The following VAMP1 variants were observed in gnomAD, a reference collection of about 807,000 sequenced individuals.
The protein encoded by VAMP1 is vesicle-associated membrane protein 1.
VAMP1 carries 16 observed loss-of-function variants against 19.1 expected under a neutral mutation model. The ratio of observed to expected loss-of-function variants is 0.84; its 90% confidence interval spans 0.57 to 1.27. VAMP1 has a LOEUF of 1.27. Ranked by LOEUF, VAMP1 falls within the 50% of genes most tolerant of loss-of-function variation. VAMP1 has a pLI of 0.00. For synonymous variants in VAMP1, 37 were observed against 50.2 expected, an observed-to-expected ratio of 0.74 and a Z score of 1.11; for missense variants, 109 against 145.4, an observed-to-expected ratio of 0.75 and a Z score of 1.29.
Position 6,463,291 on chromosome 12 carries a change from C to A in VAMP1, c.*1179G>T. On this transcript the variant is annotated 3_prime_UTR_variant, in exon 5 of 5. Transcript: ENST00000396308. The surrounding 1 kb of genome is among the most constrained non-coding windows in gnomAD (Gnocchi z 4.0). ...GGCCCCATGACAGCACAGCAATACA[C>A]AAGCACACCTGACACAGGCTGGCAC... The A allele has an allele frequency of 7.8e-7, 1 of 1,277,894 alleles. No homozygotes were observed. The highest frequency in any genetic ancestry group is 9.9e-7 in the Non-Finnish European group (1 of 1,006,562). 79.2% of individuals were successfully genotyped at this position (1,277,894 alleles called of 1,614,324 possible).
intron 1 of VAMP1, among the ~76,000 whole-genome samples, chr12:6,467,940 G>C (rs964858577): frequency 7.0e-6 from 1 of 143,430 alleles, no homozygotes; most frequent in Non-Finnish European, 1.6e-5. Context: ...ACTGAGGTTC[G>C]GGAACCTCCG....
chr12:6,465,842 C>T lies in VAMP1; in HGVS notation c.288G>A (p.Lys96=). 2 of 1,613,958 alleles carry T rather than the reference C, an allele frequency of 1.2e-6. No individual in the cohort carries two copies. Among genetic ancestry groups the T allele is most frequent in the Non-Finnish European group, 1.7e-6 (2 of 1,179,944 alleles). The part of the protein sequence containing the change: ...LKRKYWWKNC[K]MMIMLGAICA... ...TGGAGGAGGGGACAAGAAAATTCACCTTGCAGTTTTTCCACCAATACTTCC... is the reference window on the plus strand; with the variant it reads ...TGGAGGAGGGGACAAGAAAATTCACTTTGCAGTTTTTCCACCAATACTTCC... Residue 96 remains lysine, a splice_region_variant and synonymous_variant, in exon 3 of 5, where the codon AAG becomes AAA. Coordinates refer to ENST00000396308, the MANE Select transcript of VAMP1 (RefSeq NM_014231.5).
At position 6,464,091 on chromosome 12, in the gene VAMP1, C is replaced by T; in HGVS notation, c.*379G>A. 7.6e-7 allele frequency: 1 copy of T among 1,309,498 alleles called. No homozygotes were observed. Among genetic ancestry groups the T allele is most frequent in the Non-Finnish European group, 1.0e-6 (1 of 1,002,072 alleles). The allele number at this position is 1,309,498 out of a possible 1,614,324, so 81.1% of individuals were successfully genotyped here. A position where few individuals can be genotyped will look rare whatever the true frequency, so the allele number is the denominator to read the frequency against. ...CAGTGGCCAGGTTTTCTAGAAGTCA[C>T]CATGGGCACCGATACTCTTCTCCTC... On this transcript the variant is annotated 3_prime_UTR_variant, in exon 5 of 5. Coordinates refer to ENST00000396308, the MANE Select transcript of VAMP1 (RefSeq NM_014231.5).
At position 6,466,360 on chromosome 12, in the gene VAMP1, A is replaced by G. The variant is rs774555778; in HGVS notation, c.3-9T>C. On this transcript the variant is annotated splice_polypyrimidine_tract_variant and intron_variant, in intron 1 of 4. Coordinates refer to ENST00000396308, the MANE Select transcript of VAMP1 (RefSeq NM_014231.5). The stretch of plus-strand genomic sequence containing the variant: ...GCTGAGCTGGAGCAGACCTGTGGAA[A>G]GACATGTGCAGAGTACACAAAGTGA... 24 of 1,611,288 alleles carry G rather than the reference A, an allele frequency of 1.5e-5. No individual in the cohort carries two copies. Among genetic ancestry groups the G allele is most frequent in the Non-Finnish European group, 1.8e-5 (21 of 1,178,952 alleles).
chr12:6,465,453 T>TATAA (rs1488840906), intron 3 of VAMP1: 16 of 131,548 alleles, frequency 1.2e-4, no homozygotes, highest in East Asian at 5.9e-4. Flanking sequence ...TATATATACA[T>TATAA]ATGTGTATAT....
At chr12:6,464,784 T>C (rs1192841007) in intron 4 of VAMP1, 106 bp downstream of exon 4, 1 of 1,582,312 alleles carries the variant, frequency 6.3e-7, no homozygotes, top group Non-Finnish European at 8.6e-7. Context: ...GCGGTCTCCA[T>C]ACCTCAGTCA....
chr12:6,464,240 A>C lies in VAMP1; in HGVS notation c.*230T>G. On this transcript the variant is annotated 3_prime_UTR_variant, in exon 5 of 5. Coordinates refer to ENST00000396308, the MANE Select transcript of VAMP1 (RefSeq NM_014231.5). ...AGTACAGAAAAAGCAGGCAGGGAGG[A>C]GGCGCCAGCTGTTGCTCTTCGGGTA... is the stretch of plus-strand genomic sequence containing the variant. 6.6e-7 allele frequency: 1 copy of C among 1,517,856 alleles called. No individual in the cohort carries two copies. The highest frequency in any genetic ancestry group is 8.8e-7 in the Non-Finnish European group (1 of 1,132,772). 94.0% of individuals were successfully genotyped at this position (1,517,856 alleles called of 1,614,324 possible). A position where few individuals can be genotyped will look rare whatever the true frequency, so the allele number is the denominator to read the frequency against.
At position 6,463,827 on chromosome 12, in the gene VAMP1, C is replaced by G; in HGVS notation, c.*643G>C. 1 of 1,224,900 alleles carries G rather than the reference C, an allele frequency of 8.2e-7. No homozygotes were observed. Among genetic ancestry groups the G allele is most frequent in the Non-Finnish European group, 1.0e-6 (1 of 959,226 alleles). 75.9% of individuals were successfully genotyped at this position (1,224,900 alleles called of 1,614,324 possible). On this transcript the variant is annotated 3_prime_UTR_variant, in exon 5 of 5. Transcript: ENST00000396308. The surrounding 1 kb of genome is among the most constrained non-coding windows in gnomAD (Gnocchi z 4.0). ...CACAATCCCTAAGTGTTCTCCAGGC[C>G]TCTGGAGAACAAAGTAAAGTTGTAA...
At position 6,462,771 on chromosome 12, in the gene VAMP1, G is replaced by A; in HGVS notation, c.*1699C>T. 1 of 1,533,332 alleles carries A rather than the reference G, an allele frequency of 6.5e-7. No individual in the cohort carries two copies. The highest frequency in any genetic ancestry group is 2.3e-5 in the East Asian group (1 of 43,542). 95.0% of individuals were successfully genotyped at this position (1,533,332 alleles called of 1,614,324 possible). ...TGCATTAGGCAAGGAGGAGCCCAGA[G>A]GAGAGTGGAGACCTTCGAGGGGGGC... On this transcript the variant is annotated 3_prime_UTR_variant, in exon 5 of 5. Coordinates refer to ENST00000396308, the MANE Select transcript of VAMP1 (RefSeq NM_014231.5).
chr12:6,464,667 G>T, intron 4 of VAMP1, 181 bp from the exon 5 acceptor site: 11 of 1,468,838 alleles, frequency 7.5e-6, no homozygotes, highest in Non-Finnish European at 9.0e-6. Context: ...CTCAGAACAG[G>T]AGGCGCCATC....
intron 1 of VAMP1, chr12:6,467,201 T>C (rs1192949957): frequency 6.2e-6 from 1 of 162,574 alleles, no homozygotes; most frequent in African/African-American, 2.4e-5. Context: ...ACCAGTAGAG[T>C]GGGGTGTTGC....
In VAMP1 at chr12:6,470,594, G is replaced by A. The variant is rs1480142434; in HGVS notation, c.-63C>T. 6.2e-7 allele frequency: 1 copy of A among 1,606,042 alleles called. No individual in the cohort carries two copies. The highest frequency in any genetic ancestry group is 1.3e-5 in the African/African-American group (1 of 74,768). On this transcript the variant is annotated 5_prime_UTR_variant, in exon 1 of 5. Coordinates refer to ENST00000396308, the MANE Select transcript of VAMP1 (RefSeq NM_014231.5). ...GAGGCTGCGGCGAGACACCCGGTGA[G>A]GGACGCTGCGGCTGAAGTGGACGGA...
chr12:6,467,426 G>A (rs538877619), intron 1 of VAMP1, among the ~76,000 whole-genome samples: 1 of 152,310 alleles, frequency 6.6e-6, no homozygotes, highest in East Asian at 1.9e-4. Context: ...GAACTTGTTG[G>A]GAACTGAAGC....
chr12:6,469,689 G>A (rs898671830), intron 1 of VAMP1, among the ~76,000 whole-genome samples: 2 of 152,184 alleles, frequency 1.3e-5, no homozygotes, highest in Non-Finnish European at 2.9e-5. Flanking sequence ...GTAGTAATCA[G>A]AAAGAAAAAT....
rs1949933621 is a variant in VAMP1 at position 6,463,543 on chromosome 12, G to A, written c.*927C>T. On this transcript the variant is annotated 3_prime_UTR_variant, in exon 5 of 5. Coordinates refer to ENST00000396308, the MANE Select transcript of VAMP1 (RefSeq NM_014231.5). This position sits in a 1 kb window ranked among gnomAD's most constrained non-coding sequence, Gnocchi z 4.0. ...GGACCCTCTTTAACGAGGGCAAGGA[G>A]TGGCTTCCTCTGAGCTTGTTACTTT... 1.9e-6 allele frequency: 2 copies of A among 1,048,448 alleles called. No homozygotes were observed. Among genetic ancestry groups the A allele is most frequent in the East Asian group, 9.2e-5 (1 of 10,880 alleles). 64.9% of individuals were successfully genotyped at this position (1,048,448 alleles called of 1,614,324 possible).
chr12:6,465,386 GTA>G (rs138439173), intron 3 of VAMP1: 824 of 59,450 alleles, frequency 0.014, 54 homozygotes, highest in Non-Finnish European at 0.021. Context: ...GTATATATAT[GTA>G]TATATATATA....
Position 6,462,515 on chromosome 12 carries a change from G to C in VAMP1, c.*1955C>G. On this transcript the variant is annotated 3_prime_UTR_variant, in exon 5 of 5. Coordinates refer to ENST00000396308, the MANE Select transcript of VAMP1 (RefSeq NM_014231.5). ...ATTTGCTCATGCACATGGGTGGTGG[G>C]AGGAAAGGGGGATAGCAGAGACACA... 2.0e-6 allele frequency: 1 copy of C among 503,052 alleles called. No homozygotes were observed. The highest frequency in any genetic ancestry group is 3.5e-6 in the Non-Finnish European group (1 of 283,832). 31.2% of individuals were successfully genotyped at this position (503,052 alleles called of 1,614,324 possible). A position where few individuals can be genotyped will look rare whatever the true frequency, so the allele number is the denominator to read the frequency against.
In VAMP1 at chr12:6,462,517, G is replaced by A. The variant is rs1408389914; in HGVS notation, c.*1953C>T. 3 of 502,626 alleles carry A rather than the reference G, an allele frequency of 6.0e-6. No homozygotes were observed. Among genetic ancestry groups the A allele is most frequent in the East Asian group, 6.3e-5 (2 of 31,534 alleles). 31.1% of individuals were successfully genotyped at this position (502,626 alleles called of 1,614,324 possible). A position where few individuals can be genotyped will look rare whatever the true frequency, so the allele number is the denominator to read the frequency against. On this transcript the variant is annotated 3_prime_UTR_variant, in exon 5 of 5. Coordinates refer to ENST00000396308, the MANE Select transcript of VAMP1 (RefSeq NM_014231.5). Reference sequence around the variant, plus strand: ...TTGCTCATGCACATGGGTGGTGGGAGGAAAGGGGGATAGCAGAGACACACA... The same window carrying A: ...TTGCTCATGCACATGGGTGGTGGGAAGAAAGGGGGATAGCAGAGACACACA...
At position 6,463,632 on chromosome 12, in the gene VAMP1, C is replaced by G. The variant is rs1949935256; in HGVS notation, c.*838G>C. 9.3e-7 allele frequency: 1 copy of G among 1,080,842 alleles called. No homozygotes were observed. Among genetic ancestry groups the G allele is most frequent in the Non-Finnish European group, 1.1e-6 (1 of 885,700 alleles). The allele number at this position is 1,080,842 out of a possible 1,614,324, so 67.0% of individuals were successfully genotyped here. On this transcript the variant is annotated 3_prime_UTR_variant, in exon 5 of 5. Coordinates refer to ENST00000396308, the MANE Select transcript of VAMP1 (RefSeq NM_014231.5). This position sits in a 1 kb window ranked among gnomAD's most constrained non-coding sequence, Gnocchi z 4.0. The stretch of plus-strand genomic sequence containing the variant: ...CAGGCAATCTCTCTCTTTATGCCAA[C>G]AATTAACTGGGAGCTAGGTTAAATT...
Sources: allele counts gnomAD v4.1 joint callset (sites outside exome capture counted in the v4.1 genomes callset), GRCh38; gene constraint gnomAD v4.1.1; non-coding constraint Gnocchi (gnomAD v3.1); transcripts MANE v1.5; gene names NCBI Gene and HGNC (gene_info 2026-07-23, HGNC 2026-07-21).